The following SMARCA2 variants were observed in gnomAD, a reference collection of about 807,000 sequenced individuals.
The protein encoded by SMARCA2 is SWI/SNF related BAF chromatin remodeling complex subunit ATPase 2.
Under a neutral mutation model 199.8 loss-of-function variants are expected in SMARCA2, and 61 were observed. The ratio of observed to expected loss-of-function variants is 0.31; its 90% CI spans 0.25 to 0.38. The LOEUF is 0.38. SMARCA2 is among the 10% of genes least tolerant of loss of function. SMARCA2 has a pLI of 1.00. For synonymous variants in SMARCA2, 935 were observed against 732.0 expected (o/e 1.28, Z -4.48); for missense variants, 1,344 against 2,012.2 (o/e 0.67, Z 6.35).
intron 1 of SMARCA2, chr9:2,018,079 C>A (rs531929055): frequency 6.6e-6 from 1 of 152,218 alleles, no homozygotes; most frequent in Non-Finnish European, 1.5e-5. Flanking sequence ...ATTCAAACTT[C>A]GGGCCTAAAC....
Position 2,101,206 on chromosome 9 carries a change from G to C in SMARCA2, c.3079-364G>C, listed in dbSNP as rs535504699. 1.8e-4 allele frequency among the ~76,000 whole-genome samples: 27 copies of C among 152,060 alleles called. No individual in the cohort carries two copies. In the South Asian group the frequency reaches 5.4e-3, roughly 30 times the overall value. ...TTAATTCTGATTTGCTTGTTTTTGT[G>C]CTCTTCTAGTCTAGACTCTGTATTC... On this transcript the variant is annotated intron_variant, in intron 21 of 33. Transcript: ENST00000349721.
Position 2,027,306 on chromosome 9 carries a change from G to A in SMARCA2, c.-36-1681G>A, listed in dbSNP as rs1032913349. ...AAGATAAAAAAAATTAGCTTGGCAC[G>A]GTGGCGCCGCCTGTAGTCCTAGCTA... On this transcript the variant is annotated intron_variant, in intron 1 of 33. Coordinates refer to ENST00000349721, the MANE Select transcript of SMARCA2 (RefSeq NM_003070.5). 2.6e-5 allele frequency among the ~76,000 whole-genome samples: 4 copies of A among 151,972 alleles called. 1 individual carries two copies. The highest frequency in any genetic ancestry group is 6.6e-5 in the Admixed American group (1 of 15,264).
intron 27 of SMARCA2, chr9:2,159,762 C>G: frequency 6.4e-7 from 1 of 1,555,360 alleles, no homozygotes; most frequent in East Asian, 2.4e-5. Flanking sequence ...AATAAAATTA[C>G]TTGTATATGA....
intron 27 of SMARCA2, among the ~76,000 whole-genome samples, chr9:2,155,047 T>G (rs1269749627): frequency 6.6e-6 from 1 of 152,156 alleles, no homozygotes; most frequent in Admixed American, 6.5e-5. Flanking sequence ...GGTTTTTTGA[T>G]TCTACCCCAG....
intron 32 of SMARCA2, among the ~76,000 whole-genome samples, chr9:2,188,705 A>G (rs1032919040): frequency 8.5e-5 from 13 of 152,172 alleles, no homozygotes; most frequent in African/African-American, 3.1e-4. Context: ...CAAACTTATT[A>G]CCTCTTGTGG....
intron 4 of SMARCA2, chr9:2,045,713 C>T (rs1349443349): frequency 6.6e-6 from 1 of 151,866 alleles, no homozygotes; most frequent in Admixed American, 6.6e-5. Flanking sequence ...TTCTCATCAA[C>T]CCCGAGAACC....
intron 27 of SMARCA2, among the ~76,000 whole-genome samples, chr9:2,144,246 G>A (rs973137485): frequency 3.9e-5 from 6 of 152,156 alleles, no homozygotes; most frequent in African/African-American, 1.4e-4. Context: ...CTTCTTTTCT[G>A]AGATAATGAA....
At chr9:2,040,708 C>G (rs1027590756) in intron 4 of SMARCA2, 2 of 152,234 alleles carry the variant, frequency 1.3e-5, no homozygotes, top group Non-Finnish European at 2.9e-5. Context: ...TCATAATAGA[C>G]TAACAGATTC....
At chr9:2,117,436 A>G (rs2130605195) in intron 25 of SMARCA2, among the ~76,000 whole-genome samples, 1 of 152,344 alleles carries the variant, frequency 6.6e-6, no homozygotes, top group African/African-American at 2.4e-5. Context: ...TTCTGATTCT[A>G]GAAATTGAAT....
chr9:2,168,130 G>T (rs143915199), intron 28 of SMARCA2, among the ~76,000 whole-genome samples: 357 of 150,942 alleles, frequency 2.4e-3, no homozygotes, highest in African/African-American at 8.5e-3. Context: ...TCCTGCCTCA[G>T]CCTCCAGAGT....
At chr9:2,103,001 C>T (rs928497685) in intron 22 of SMARCA2, among the ~76,000 whole-genome samples, 5 of 150,140 alleles carry the variant, frequency 3.3e-5, no homozygotes, top group African/African-American at 1.2e-4. Context: ...CTTCTGTCTC[C>T]TTTACCCCTC....
intron 32 of SMARCA2, among the ~76,000 whole-genome samples, chr9:2,189,789 A>G (rs775635164): frequency 1.3e-5 from 2 of 152,174 alleles, no homozygotes; most frequent in African/African-American, 4.8e-5. Flanking sequence ...TGCTACCACC[A>G]CACTTGAGTT....
At chr9:2,187,179 T>C (rs765573100) in intron 32 of SMARCA2, among the ~76,000 whole-genome samples, 4 of 152,006 alleles carry the variant, frequency 2.6e-5, no homozygotes, top group African/African-American at 4.8e-5. Context: ...AAAATGTTGA[T>C]AGTTTGTTTA....
intron 2 of SMARCA2, 33 bp from the exon 3 acceptor site, chr9:2,032,919 A>G (rs758394772): frequency 2.5e-6 from 4 of 1,601,572 alleles, no homozygotes; most frequent in Non-Finnish European, 3.4e-6. Context: ...TACCTTATAG[A>G]GGTGTCTAAC....
chr9:2,156,079 A>AG (rs1825345179), intron 27 of SMARCA2, among the ~76,000 whole-genome samples: 4 of 152,196 alleles, frequency 2.6e-5, no homozygotes, highest in African/African-American at 9.7e-5. Flanking sequence ...AGGTTTGTGA[A>AG]TAGTTATGTG....
At chr9:2,167,199 A>C (rs1490363644) in intron 28 of SMARCA2, among the ~76,000 whole-genome samples, 2 of 152,350 alleles carry the variant, frequency 1.3e-5, no homozygotes, top group East Asian at 3.9e-4. Context: ...TTAGTTTGCA[A>C]CTGGACACTT....
intron 27 of SMARCA2, among the ~76,000 whole-genome samples, chr9:2,141,920 A>T (rs1824479047): frequency 6.6e-6 from 1 of 152,158 alleles, no homozygotes; most frequent in Non-Finnish European, 1.5e-5. Flanking sequence ...CAGGTGGTCT[A>T]GCTGGCCCGG....
intron 27 of SMARCA2, chr9:2,160,318 A>ATTAT (rs1825600891): frequency 4.9e-6 from 2 of 409,562 alleles, no homozygotes; most frequent in Non-Finnish European, 8.7e-6. Flanking sequence ...TTGTCTTTTG[A>ATTAT]TTATTAAGGC....
At chr9:2,180,960 A>G (rs1826979756) in intron 29 of SMARCA2, among the ~76,000 whole-genome samples, 1 of 152,188 alleles carries the variant, frequency 6.6e-6, no homozygotes, top group Non-Finnish European at 1.5e-5. Context: ...GTTAGGCAAG[A>G]TGAAGGGGTT....
Sources: allele counts gnomAD v4.1 joint callset (sites outside exome capture counted in the v4.1 genomes callset), GRCh38; gene constraint gnomAD v4.1.1; transcripts MANE v1.5; gene names NCBI Gene and HGNC (gene_info 2026-07-23, HGNC 2026-07-21).